Variants in CAPN8 observed in about 807,000 individuals in gnomAD.
The protein encoded by CAPN8 is calpain-8.
CAPN8 carries 87 observed loss-of-function variants against 80.9 expected under a neutral mutation model. The ratio of observed to expected loss-of-function variants is 1.07; its 90% CI spans 0.90 to 1.28. CAPN8 has a LOEUF of 1.28. Among genes scored for constraint, CAPN8 ranks in the 50% most tolerant of loss-of-function variants. CAPN8 has a pLI of 0.00. For missense variants in CAPN8, 757 were observed against 702.0 expected, an observed-to-expected ratio of 1.08 and a Z score of -0.89; for synonymous variants, 299 against 273.8, an observed-to-expected ratio of 1.09 and a Z score of -0.91.
intron 2 of CAPN8, chr1:223,629,119 C>T (rs913691325): frequency 9.9e-6 from 3 of 303,364 alleles, no homozygotes; most frequent in South Asian, 4.5e-5. Flanking sequence ...CCCTTTGGTC[C>T]CTTATTAGCA....
At chr1:223,635,351 A>C (rs538835194) in intron 2 of CAPN8, among the ~76,000 whole-genome samples, 10 of 151,996 alleles carry the variant, frequency 6.6e-5, no homozygotes, top group African/African-American at 1.4e-4. Flanking sequence ...AAACACACAC[A>C]TACACACACT....
At chr1:223,548,733 A>T (rs1656698958) in intron 16 of CAPN8, among the ~76,000 whole-genome samples, 2 of 152,230 alleles carry the variant, frequency 1.3e-5, no homozygotes, top group Admixed American at 1.3e-4. Flanking sequence ...CACCCAGTTT[A>T]TGGTCTCCTG....
At chr1:223,661,368 ACCTGTAAT>A (rs1034572462) in intron 1 of CAPN8, among the ~76,000 whole-genome samples, 2 of 152,066 alleles carry the variant, frequency 1.3e-5, no homozygotes, top group Non-Finnish European at 2.9e-5. Context: ...AGTGGCTCAC[ACCTGTAAT>A]CCTAGCACTT....
chr1:223,632,855 G>T (rs758553033), intron 2 of CAPN8, among the ~76,000 whole-genome samples: 2 of 152,210 alleles, frequency 1.3e-5, no homozygotes, highest in Non-Finnish European at 2.9e-5. Context: ...GCACTTCATG[G>T]GAATTTAGGG....
At chr1:223,624,822 C>T (rs974332680) in intron 6 of CAPN8, among the ~76,000 whole-genome samples, 3 of 150,830 alleles carry the variant, frequency 2.0e-5, no homozygotes, top group Non-Finnish European at 3.0e-5. Context: ...AGGCCGGGTG[C>T]GGTGGCTCAC....
intron 11 of CAPN8, among the ~76,000 whole-genome samples, chr1:223,611,768 C>T (rs997215959): frequency 6.6e-5 from 10 of 152,298 alleles, no homozygotes; most frequent in African/African-American, 2.4e-4. Context: ...GCAGGTGGAC[C>T]AGTAATCTGC....
chr1:223,624,928 A>G (rs1188483676), intron 6 of CAPN8, among the ~76,000 whole-genome samples: 2 of 151,676 alleles, frequency 1.3e-5, no homozygotes, highest in African/African-American at 4.8e-5. Context: ...CCCCGTCTCT[A>G]CTAAAAATAC....
At chr1:223,628,992 TC>T (rs1657691007) in intron 2 of CAPN8, 1 of 547,846 alleles carries the variant, frequency 1.8e-6, no homozygotes, top group African/African-American at 1.9e-5. Flanking sequence ...GATCCTCTGC[TC>T]CTCCCTGTGG....
rs576975697 is a variant in CAPN8 at position 223,647,052 on chromosome 1, G to A, written c.307+7278C>T. Reference sequence around the variant, plus strand: ...AAGGTTCAGGGGGTGTCTTCCTGGGGACTCAGGCTCACTGGCAATTTTGCA... The same window carrying A: ...AAGGTTCAGGGGGTGTCTTCCTGGGAACTCAGGCTCACTGGCAATTTTGCA... On this transcript the variant is annotated intron_variant, in intron 2 of 20. Transcript: ENST00000366872. 5.3e-5 allele frequency among the ~76,000 whole-genome samples: 8 copies of A among 152,206 alleles called. No individual in the cohort carries two copies. In the East Asian group the frequency reaches 1.5e-3, roughly 29 times the overall value.
chr1:223,544,694 C>T, intron 18 of CAPN8, 78 bp downstream of exon 18: 1 of 1,520,252 alleles, frequency 6.6e-7, no homozygotes, highest in Non-Finnish European at 8.9e-7. Context: ...TGATCATTAG[C>T]AATCATCATC....
intron 15 of CAPN8, among the ~76,000 whole-genome samples, chr1:223,549,893 A>G (rs1656737614): frequency 1.3e-5 from 2 of 152,224 alleles, no homozygotes; most frequent in Admixed American, 6.5e-5. Context: ...TGCTATCATT[A>G]TACCCACTTT....
chr1:223,637,781 T>G (rs993775616), intron 2 of CAPN8, among the ~76,000 whole-genome samples: 3 of 152,106 alleles, frequency 2.0e-5, no homozygotes, highest in Non-Finnish European at 4.4e-5. Flanking sequence ...GGCTACAAAC[T>G]TAGTAGAGTA....
In CAPN8 at chr1:223,544,131, G is replaced by A. The variant is rs1276777264; in HGVS notation, c.1965C>T (p.Cys655=). 1.4e-6 allele frequency: 1 copy of A among 718,358 alleles called. No individual in the cohort carries two copies. The highest frequency in any genetic ancestry group is 2.6e-6 in the Non-Finnish European group (1 of 385,104). The allele number at this position is 718,358 out of a possible 1,614,324, so 44.5% of individuals were successfully genotyped here. A position where few individuals can be genotyped will look rare whatever the true frequency, so the allele number is the denominator to read the frequency against. The stretch of plus-strand genomic sequence containing the variant: ...TGTCAAAGTTGATGCCAAGCTTGCT[G>A]CACGCATACCGCAGGGCAATGGTCT... ...VQQTIALRYA[C]SKLGINFDSF... is the part of the protein sequence containing the mutation. The change falls in exon 19 of 21, where the codon TGC becomes TGT. Residue 655 remains cysteine, a synonymous_variant. Transcript: ENST00000366872.
At chr1:223,655,150 G>T (rs1032937274) in intron 1 of CAPN8, among the ~76,000 whole-genome samples, 8 of 152,162 alleles carry the variant, frequency 5.3e-5, no homozygotes, top group African/African-American at 1.9e-4. Context: ...TACATAAAGA[G>T]ATTAGAAGAA....
chr1:223,619,574 T>G, intron 8 of CAPN8, 121 bp from the exon 9 acceptor site: 1 of 960,310 alleles, frequency 1.0e-6, no homozygotes, highest in Non-Finnish European at 1.5e-6. Flanking sequence ...GCTAGCTTGA[T>G]CTTTCCTACA....
In CAPN8 at chr1:223,628,656, C is replaced by CAG. The variant is rs1218476578; in HGVS notation, c.426+4_426+5dup. ...AGCAACAAAGGGCCAGAGCAGAGCA[C>CAG]AGTACCTGAAAGTGAAAGATTCCCG... is the stretch of plus-strand genomic sequence containing the variant. On this transcript the variant is annotated splice_donor_region_variant and intron_variant, in intron 3 of 20. Coordinates refer to ENST00000366872, the MANE Select transcript of CAPN8 (RefSeq NM_001143962.2). 5.8e-6 allele frequency: 9 copies of CAG among 1,546,098 alleles called. No individual in the cohort carries two copies. Among genetic ancestry groups the CAG allele is most frequent in the Non-Finnish European group, 7.0e-6 (8 of 1,142,036 alleles).
At chr1:223,552,385 G>A (rs1469174671) in intron 14 of CAPN8, among the ~76,000 whole-genome samples, 3 of 152,122 alleles carry the variant, frequency 2.0e-5, no homozygotes, top group Admixed American at 1.3e-4. Context: ...CCAATATGGC[G>A]AAACCCTGTC....
In CAPN8 at chr1:223,629,232, T is replaced by TATG. The variant is rs68132305; in HGVS notation, c.308-453_308-452insCAT. ...TGTGTGTGTGTGTGTGTGTGTGTGT[T>TATG]TATGTTCCTTGCCCCTCCTGACCTT... is the stretch of plus-strand genomic sequence containing the variant. On this transcript the variant is annotated intron_variant, in intron 2 of 20. Coordinates refer to ENST00000366872, the MANE Select transcript of CAPN8 (RefSeq NM_001143962.2). Among the ~76,000 whole-genome samples the TATG allele has an allele frequency of 5.0e-3, 663 of 132,622 alleles. 6 individuals are homozygous for TATG. Among genetic ancestry groups the TATG allele is most frequent in the African/African-American group, 0.016 (560 of 34,600 alleles). 87.0% of individuals were successfully genotyped at this position (132,622 alleles called of 152,430 possible). A position where few individuals can be genotyped will look rare whatever the true frequency, so the allele number is the denominator to read the frequency against.
chr1:223,550,057 T>C (rs1656742259), intron 15 of CAPN8, among the ~76,000 whole-genome samples: 1 of 152,166 alleles, frequency 6.6e-6, no homozygotes, highest in South Asian at 2.1e-4. Context: ...GCAGCTATCC[T>C]TCCTTACTAA....
Sources: allele counts gnomAD v4.1 joint callset (sites outside exome capture counted in the v4.1 genomes callset), GRCh38; gene constraint gnomAD v4.1.1; transcripts MANE v1.5; gene names NCBI Gene and HGNC (gene_info 2026-07-23, HGNC 2026-07-21).